BMPR1B: variants seen among roughly 807,000 people sequenced by gnomAD.
BMPR1B encodes bone morphogenetic protein receptor type 1B.
A neutral mutation model predicts 59.1 loss-of-function variants in BMPR1B; 12 were observed. The ratio of observed to expected loss-of-function variants is 0.20; its 90% CI spans 0.13 to 0.33. The LOEUF is 0.33. Among genes scored for constraint, BMPR1B ranks in the 10% least tolerant of loss-of-function variants. The probability of loss-of-function intolerance (pLI) is 1.00; values close to 1 mark genes in which losing one functional copy is unlikely to be tolerated. For synonymous variants in BMPR1B, 237 were observed against 207.3 expected (o/e 1.14, Z -1.23); for missense variants, 550 against 610.9 (o/e 0.90, Z 1.05).
chr4:95,109,299 A>G (rs1416229678), intron 4 of BMPR1B, among the ~76,000 whole-genome samples: 1 of 152,184 alleles, frequency 6.6e-6, no homozygotes, highest in East Asian at 1.9e-4. Flanking sequence ...AAGGATGTGC[A>G]AATGACACCA....
chr4:95,050,638 A>T (rs1026314102), intron 3 of BMPR1B, among the ~76,000 whole-genome samples: 1 of 152,196 alleles, frequency 6.6e-6, no homozygotes, highest in Non-Finnish European at 1.5e-5. Context: ...AAGATTTTTT[A>T]AAATATCAAG....
At chr4:95,103,565 C>A in intron 3 of BMPR1B, 1 of 851,498 alleles carries the variant, frequency 1.2e-6, no homozygotes, top group Non-Finnish European at 1.4e-6. Context: ...ACATTCTAAG[C>A]TCTTGACATG....
intron 3 of BMPR1B, among the ~76,000 whole-genome samples, chr4:95,030,666 G>C (rs1318079949): frequency 1.3e-5 from 2 of 152,096 alleles, no homozygotes; most frequent in Non-Finnish European, 2.9e-5. Context: ...AGAAACTTCA[G>C]CAAAGTCTCC....
intron 2 of BMPR1B, among the ~76,000 whole-genome samples, chr4:94,906,339 G>A (rs993615527): frequency 6.6e-6 from 1 of 151,988 alleles, no homozygotes; most frequent in Admixed American, 6.6e-5. Flanking sequence ...TATTACTTTT[G>A]TTATGTCAAA....
chr4:94,853,437 G>T (rs1160053272), intron 1 of BMPR1B, among the ~76,000 whole-genome samples: 1 of 152,128 alleles, frequency 6.6e-6, no homozygotes, highest in Non-Finnish European at 1.5e-5. Context: ...GATCAAAGAT[G>T]CAGGTGGTTT....
chr4:95,134,810 A>G (rs560526821), intron 10 of BMPR1B, among the ~76,000 whole-genome samples: 5 of 152,148 alleles, frequency 3.3e-5, no homozygotes, highest in East Asian at 1.9e-4. Flanking sequence ...CATTCTGTAG[A>G]TTGCCTGTTC....
chr4:94,953,409 T>A (rs1043466940), intron 2 of BMPR1B, among the ~76,000 whole-genome samples: 1 of 152,218 alleles, frequency 6.6e-6, no homozygotes, highest in African/African-American at 2.4e-5. Flanking sequence ...CGGTTTTTCC[T>A]TTCCATATTT....
At chr4:94,782,702 T>C (rs1466990188) in intron 1 of BMPR1B, among the ~76,000 whole-genome samples, 2 of 152,218 alleles carry the variant, frequency 1.3e-5, no homozygotes, top group African/African-American at 4.8e-5. Flanking sequence ...CACATCATCT[T>C]TTATTTCTTT....
At chr4:94,986,963 C>A (rs1721444821) in intron 2 of BMPR1B, among the ~76,000 whole-genome samples, 1 of 150,660 alleles carries the variant, frequency 6.6e-6, no homozygotes, top group African/African-American at 2.4e-5. Flanking sequence ...ATGGCGTGAA[C>A]CCAGGAGGCG....
chr4:94,902,249 CAGAGAGAGAGAGAGAGAGAGAGAG>C (rs142124519), intron 2 of BMPR1B, among the ~76,000 whole-genome samples: 27 of 68,990 alleles, frequency 3.9e-4, no homozygotes, highest in Non-Finnish European at 6.6e-4. Context: ...CACACACACA[CAGAGAGAGAGAGAGAGAGAGAGAG>C]AGAGAGAGAG....
intron 11 of BMPR1B, among the ~76,000 whole-genome samples, chr4:95,152,048 A>C (rs1735084224): frequency 6.6e-6 from 1 of 152,184 alleles, no homozygotes; most frequent in African/African-American, 2.4e-5. Flanking sequence ...TGTATTCCTT[A>C]CTGAAAATTT....
chr4:94,942,560 G>T (rs1389089926), intron 2 of BMPR1B, among the ~76,000 whole-genome samples: 2 of 152,182 alleles, frequency 1.3e-5, no homozygotes, highest in Non-Finnish European at 2.9e-5. Context: ...AGTTTCCCAT[G>T]CTGATAAGGA....
intron 2 of BMPR1B, among the ~76,000 whole-genome samples, chr4:94,878,984 C>T (rs2148976707): frequency 6.6e-6 from 1 of 151,732 alleles, no homozygotes; most frequent in South Asian, 2.1e-4. Flanking sequence ...CATATTCAGG[C>T]AGGTTTAATA....
intron 3 of BMPR1B, among the ~76,000 whole-genome samples, chr4:95,055,862 A>T (rs757961140): frequency 5.3e-5 from 8 of 152,242 alleles, no homozygotes; most frequent in Non-Finnish European, 1.2e-4. Context: ...TTGAAAAAAC[A>T]TTGGAACAGC....
At chr4:94,808,276 T>A (rs1430813283) in intron 1 of BMPR1B, among the ~76,000 whole-genome samples, 1 of 152,224 alleles carries the variant, frequency 6.6e-6, no homozygotes, top group Non-Finnish European at 1.5e-5. Flanking sequence ...CATGGCCCCA[T>A]TACCTAAAGA....
chr4:94,998,921 G>T (rs1722257919), intron 3 of BMPR1B, among the ~76,000 whole-genome samples: 1 of 152,132 alleles, frequency 6.6e-6, no homozygotes, highest in Non-Finnish European at 1.5e-5. Context: ...TTTGCTGGCA[G>T]TATTCAACAT....
intron 3 of BMPR1B, among the ~76,000 whole-genome samples, chr4:95,101,348 A>G (rs1298493254): frequency 6.6e-6 from 1 of 152,158 alleles, no homozygotes; most frequent in African/African-American, 2.4e-5. Flanking sequence ...TAAAGAAGGC[A>G]TCTCAGTGAT....
chr4:95,111,196 A>G (rs141863097), intron 4 of BMPR1B, among the ~76,000 whole-genome samples: 4 of 152,238 alleles, frequency 2.6e-5, no homozygotes, highest in Admixed American at 2.6e-4. Flanking sequence ...CAAATTTCCT[A>G]TCACTTGATT....
At chr4:94,819,143 A>AT (rs71583667) in intron 1 of BMPR1B, among the ~76,000 whole-genome samples, 46 of 148,376 alleles carry the variant, frequency 3.1e-4, no homozygotes, top group Non-Finnish European at 4.0e-4. Flanking sequence ...CTCAAATAAA[A>AT]TTTTTTTTTT....
Sources: gnomAD v4.1 joint callset for allele counts (sites outside exome capture counted in the v4.1 genomes callset) on GRCh38, gnomAD v4.1.1 for gene constraint, MANE v1.5 for transcripts, NCBI Gene and HGNC (gene_info 2026-07-23, HGNC 2026-07-21) for gene names.